The following CRTC2 variants were observed in gnomAD, a reference collection of about 807,000 sequenced individuals.
CRTC2 encodes CREB-regulated transcription coactivator 2.
Under a neutral mutation model 70.9 loss-of-function variants are expected in CRTC2, and 25 were observed. That is an observed-to-expected ratio of 0.35 (90% confidence interval 0.26 to 0.49). The LOEUF is 0.49. Ranked by LOEUF, CRTC2 falls within the 20% of genes least tolerant of loss-of-function variation. The pLI, the probability that CRTC2 is intolerant of heterozygous loss-of-function variation, is 0.98. For synonymous variants in CRTC2, 330 were observed against 364.1 expected, an observed-to-expected ratio of 0.91 and a Z score of 1.07; for missense variants, 737 against 882.6, an observed-to-expected ratio of 0.83 and a Z score of 2.09.
intron 1 of CRTC2, chr1:153,958,058 C>G: frequency 7.5e-7 from 1 of 1,325,964 alleles, no homozygotes; most frequent in Non-Finnish European, 9.7e-7. Context: ...AAGGACCACT[C>G]ACCTCCTACC....
chr1:153,958,531 G>A lies in CRTC2; in HGVS notation c.-34C>T, dbSNP rs781262667. ...CCCGTCCCTCCCTGCCACCCTCCCAGTACCAGCCGCGGCCTCCGCCGCGGC... is the reference window on the plus strand; with the variant it reads ...CCCGTCCCTCCCTGCCACCCTCCCAATACCAGCCGCGGCCTCCGCCGCGGC... On this transcript the variant is annotated 5_prime_UTR_variant, in exon 1 of 14. Coordinates refer to ENST00000368633, the MANE Select transcript of CRTC2 (RefSeq NM_181715.3). The A allele has an allele frequency of 5.1e-6, 8 of 1,566,612 alleles. No homozygotes were observed. The highest frequency in any genetic ancestry group is 6.9e-6 in the Non-Finnish European group (8 of 1,154,964).
At chr1:153,958,066 A>G (rs1330593286) in intron 1 of CRTC2, 22 of 1,334,096 alleles carry the variant, frequency 1.6e-5, no homozygotes, top group Non-Finnish European at 2.1e-5. Flanking sequence ...CTCACCTCCT[A>G]CCTCCGCCGG....
In CRTC2 at chr1:153,948,561, C is replaced by T. The variant is rs755401225; in HGVS notation, c.1758G>A (p.Gly586=). The T allele has an allele frequency of 5.0e-6, 8 of 1,611,128 alleles. No homozygotes were observed. Among genetic ancestry groups the T allele is most frequent in the Admixed American group, 3.4e-5 (2 of 59,214 alleles). ...PGFSEGPGFL[G]GEGPMGGPQD... The stretch of plus-strand genomic sequence containing the variant: ...GGGGGCCACCCATTGGCCCCTCACC[C>T]CCTAAAAATCCAGGCCCTTCAGAAA... Residue 586 remains glycine, a synonymous_variant, in exon 13 of 14, where the codon GGG becomes GGA. Coordinates refer to ENST00000368633, the MANE Select transcript of CRTC2 (RefSeq NM_181715.3).
Position 153,951,430 on chromosome 1 carries a change from C to A in CRTC2, c.1234G>T (p.Gly412Cys). Residue 412 changes from glycine (G) to cysteine (C), a missense_variant, in exon 11 of 14, where the codon GGC becomes TGC. Transcript: ENST00000368633. ...SSSSTSSPVL[G>C]APSYPASTPG... ...GTAGAAGCAGGGTAAGAGGGGGCGC[C>A]CAAAACAGGAGATGAAGTGGAGGAG... 2 of 1,602,964 alleles carry A rather than the reference C, an allele frequency of 1.2e-6. No individual in the cohort carries two copies. The highest frequency in any genetic ancestry group is 1.7e-6 in the Non-Finnish European group (2 of 1,174,362).
chr1:153,955,244 C>T (rs1680561140), intron 1 of CRTC2, 78 bp from the exon 2 acceptor site: 1 of 1,080,494 alleles, frequency 9.3e-7, no homozygotes, highest in Non-Finnish European at 1.4e-6. Flanking sequence ...CCATCTCTGT[C>T]ACCAGGATAT....
At position 153,951,528 on chromosome 1, in the gene CRTC2, C is replaced by T. The variant is rs143226168; in HGVS notation, c.1136G>A (p.Arg379His). 279 of 1,604,324 alleles carry T rather than the reference C, an allele frequency of 1.7e-4. No individual in the cohort carries two copies. Among genetic ancestry groups the T allele is most frequent in the Admixed American group, 3.4e-4 (20 of 59,384 alleles). ...HPSLPASSLARHVLPTTSLGH... is the reference protein window; with the variant it reads ...HPSLPASSLAHHVLPTTSLGH... ...CAGGGAGGTGGTGGGCAGTACATGG[C>T]GGGCCAAGGAGGAGGCAGGCAGAGA... The change falls in exon 11 of 14, where the codon CGC becomes CAC. Residue 379 changes from arginine to histidine, a missense_variant. Coordinates refer to ENST00000368633, the MANE Select transcript of CRTC2 (RefSeq NM_181715.3).
Position 153,955,000 on chromosome 1 carries a change from G to T in CRTC2, c.256-11C>A, listed in dbSNP as rs769581560. ...TGAGTGGAGGGGGCTCTGCCAAAAA[G>T]GACAGAAGTCAGCAGAGGAAGCAGC... is the stretch of plus-strand genomic sequence containing the variant. On this transcript the variant is annotated splice_polypyrimidine_tract_variant and intron_variant, in intron 2 of 13. Transcript: ENST00000368633. The T allele has an allele frequency of 6.3e-5, 101 of 1,613,188 alleles. No homozygotes were observed. The highest frequency in any genetic ancestry group is 8.4e-5 in the Non-Finnish European group (99 of 1,179,196).
Position 153,952,050 on chromosome 1 carries a change from C to A in CRTC2, c.965G>T (p.Gly322Val), listed in dbSNP as rs200091206. 3 of 1,613,964 alleles carry A rather than the reference C, an allele frequency of 1.9e-6. No individual in the cohort carries two copies. In the East Asian group the frequency reaches 6.7e-5, roughly 36 times the overall value. The change falls in exon 10 of 14, where the codon GGC becomes GTC. Residue 322 changes from glycine (G) to valine (V), a missense_variant. Physicochemically the swap from Gly to Val is moderately radical, Grantham distance 109 (BLOSUM62 -3). Transcript: ENST00000368633. ...ATCATAGCCTGGGCCCAGGCCCATG[C>A]CCCTGCTGATGCCCAGGTGAGTCAT... ...HTMTHLGISR[G>V]MGLGPGYDAP...
intron 6 of CRTC2, 45 bp from the exon 7 acceptor site, chr1:153,952,879 C>T (rs767891063): frequency 1.2e-6 from 2 of 1,612,940 alleles, no homozygotes; most frequent in Admixed American, 1.7e-5. Context: ...CACTTGCCTA[C>T]CTGCTTTAAA....
In CRTC2 at chr1:153,955,181, A is replaced by G; in HGVS notation, c.154-15T>C. On this transcript the variant is annotated splice_polypyrimidine_tract_variant and intron_variant, in intron 1 of 13. Transcript: ENST00000368633. ...TGGGCCTGTAACTGAGACATGGGGAACAAGTGGGAATGTCAGGAGGGTCCT... is the reference window on the plus strand; with the variant it reads ...TGGGCCTGTAACTGAGACATGGGGAGCAAGTGGGAATGTCAGGAGGGTCCT... 1.3e-6 allele frequency: 2 copies of G among 1,593,514 alleles called. No homozygotes were observed. Among genetic ancestry groups the G allele is most frequent in the Non-Finnish European group, 1.7e-6 (2 of 1,162,018 alleles).
At chr1:153,948,411 G>A (rs937507847) in intron 13 of CRTC2, 47 bp downstream of exon 13, 7 of 1,609,774 alleles carry the variant, frequency 4.3e-6, no homozygotes, top group Non-Finnish European at 5.9e-6. Context: ...ATTAGTGAAT[G>A]TGTCACTTCC....
At chr1:153,954,578 G>A (rs1410331238) in intron 3 of CRTC2, among the ~76,000 whole-genome samples, 1 of 152,196 alleles carries the variant, frequency 6.6e-6, no homozygotes, top group Non-Finnish European at 1.5e-5. Context: ...TTAGAAATCT[G>A]AGAAGAGACC....
At chr1:153,948,979 C>A in intron 12 of CRTC2, 136 bp downstream of exon 12, 1 of 971,476 alleles carries the variant, frequency 1.0e-6, no homozygotes, top group Non-Finnish European at 1.6e-6. Context: ...TATGTTACCT[C>A]CGGGGAGAGG....
chr1:153,948,437 T>A (rs1255103487), intron 13 of CRTC2, 21 bp downstream of exon 13: 4 of 1,606,276 alleles, frequency 2.5e-6, no homozygotes, highest in East Asian at 2.2e-5. Context: ...CCATTTCCCA[T>A]CACCACCCAC....
In CRTC2 at chr1:153,955,103, T is replaced by C. The variant is rs749970058; in HGVS notation, c.217A>G (p.Asn73Asp). The change falls in exon 2 of 14, where the codon AAT (asparagine) becomes GAT (aspartate). Residue 73 changes from asparagine (N) to aspartate (D), a missense_variant. Asn to Asp is a conservative substitution (Grantham distance 23). Around this residue, in one of 3 missense-constraint regions of CRTC2, gnomAD observed 699 missense variants for 823.7 expected, o/e 0.85. Coordinates refer to ENST00000368633, the MANE Select transcript of CRTC2 (RefSeq NM_181715.3). ...AGGCCAGAGCCAATCTGGTTAACAT[T>C]GGGCAGAGACCCACCATAATGAGAG... is the stretch of plus-strand genomic sequence containing the variant. The part of the protein sequence containing the change: ...RSSHYGGSLP[N>D]VNQIGSGLAE... 9.3e-6 allele frequency: 15 copies of C among 1,613,944 alleles called. No individual in the cohort carries two copies. Among genetic ancestry groups the C allele is most frequent in the Non-Finnish European group, 8.5e-7 (1 of 1,179,950 alleles).
In CRTC2 at chr1:153,958,451, G is replaced by A. The variant is rs750494166; in HGVS notation, c.47C>T (p.Ala16Val). The A allele has an allele frequency of 2.5e-6, 4 of 1,613,346 alleles. No homozygotes were observed. Among genetic ancestry groups the A allele is most frequent in the East Asian group, 4.5e-5 (2 of 44,878 alleles). ...CTCACTAAATTTGCGCGGATTGGAA[G>A]CCGAGGCCGTGGCCGAACCAGGCCC... ...ANGPGSATAS[A>V]SNPRKFSEKI... Residue 16 changes from alanine (A) to valine (V), a missense_variant, in exon 1 of 14, where the codon GCT (alanine) becomes GTT (valine). Ala to Val is a moderately conservative substitution (Grantham distance 64, BLOSUM62 0). This residue lies in a region of CRTC2 where 29 missense variants were observed against 25.5 expected (regional missense o/e 1.14). Coordinates refer to ENST00000368633, the MANE Select transcript of CRTC2 (RefSeq NM_181715.3).
chr1:153,953,540 G>C lies in CRTC2; in HGVS notation c.501C>G (p.Asn167Lys), dbSNP rs1207909425. The C allele has an allele frequency of 1.2e-6, 2 of 1,610,852 alleles. No individual in the cohort carries two copies. The highest frequency in any genetic ancestry group is 1.7e-6 in the Non-Finnish European group (2 of 1,178,996). ...CTAAAGAAGGCAAAAGCCATCACCT[G>C]TTAAGTGCAGATGGTAGTCGAAACA... ...GQLFRLPSAL[N>K]RTSSDSALHT... The change falls in exon 5 of 14, where the codon AAC (asparagine) becomes AAG (lysine). Residue 167 changes from asparagine (N) to lysine (K), a missense_variant and splice_region_variant. This residue lies in a region of CRTC2 where 699 missense variants were observed against 823.7 expected (regional missense o/e 0.85). Coordinates refer to ENST00000368633, the MANE Select transcript of CRTC2 (RefSeq NM_181715.3).
intron 1 of CRTC2, among the ~76,000 whole-genome samples, chr1:153,956,132 G>T (rs1013892821): frequency 6.6e-6 from 1 of 152,234 alleles, no homozygotes; most frequent in African/African-American, 2.4e-5. Context: ...CACAAAGCCT[G>T]CACCTCCCAA....
In CRTC2 at chr1:153,949,198, A is replaced by T; in HGVS notation, c.1591T>A (p.Tyr531Asn). ...GGCCCAGGTGGGTACGGTGTCCCAT[A>T]ATGAGACTGCCTGCCTGGGGGCTGC... is the stretch of plus-strand genomic sequence containing the variant. ...GGQPPGRQSH[Y>N]GTPYPPGPSG... is the part of the protein sequence containing the mutation. The change falls in exon 12 of 14, where the codon TAT (tyrosine) becomes AAT (asparagine). Residue 531 changes from tyrosine (Y) to asparagine (N), a missense_variant. Around this residue, in one of 3 missense-constraint regions of CRTC2, gnomAD observed 699 missense variants for 823.7 expected, o/e 0.85. Coordinates refer to ENST00000368633, the MANE Select transcript of CRTC2 (RefSeq NM_181715.3). 6.2e-7 allele frequency: 1 copy of T among 1,614,012 alleles called. No individual in the cohort carries two copies. Among genetic ancestry groups the T allele is most frequent in the South Asian group, 1.1e-5 (1 of 91,082 alleles).
Sources: allele counts gnomAD v4.1 joint callset (sites outside exome capture counted in the v4.1 genomes callset), GRCh38; gene constraint gnomAD v4.1.1; regional missense constraint gnomAD v4.1.1; transcripts MANE v1.5; gene names NCBI Gene and HGNC (gene_info 2026-07-23, HGNC 2026-07-21).